TENT5C: variants seen among roughly 807,000 people sequenced by gnomAD.
The protein encoded by TENT5C is family with sequence similarity 46 member C.
Under a neutral mutation model 22.2 loss-of-function variants are expected in TENT5C, and 5 were observed. That is an observed-to-expected ratio of 0.22 (90% confidence interval 0.12 to 0.47). TENT5C has a LOEUF of 0.47. TENT5C is among the 20% of genes least tolerant of loss of function. The pLI is 0.99. For synonymous variants in TENT5C, 199 were observed against 195.4 expected, an observed-to-expected ratio of 1.02 and a Z score of -0.15; for missense variants, 364 against 500.9, an observed-to-expected ratio of 0.73 and a Z score of 2.61.
intron 1 of TENT5C, among the ~76,000 whole-genome samples, chr1:117,609,928 G>A (rs1653628990): frequency 6.6e-6 from 1 of 152,122 alleles, no homozygotes; most frequent in Admixed American, 6.5e-5. Context: ...CAGGGGTATA[G>A]GTTTGGAGCT....
At position 117,624,685 on chromosome 1, in the gene TENT5C, A is replaced by G. The variant is rs976100329; in HGVS notation, c.*641A>G. ...TGGTTGAAAGTGGTTTATGGTTTAC[A>G]TGCTGTACTATCCTGAGGAATTGCG... On this transcript the variant is annotated 3_prime_UTR_variant, in exon 2 of 2. Coordinates refer to ENST00000369448, the MANE Select transcript of TENT5C (RefSeq NM_017709.4). The G allele has an allele frequency of 4.0e-6, 1 of 248,054 alleles. No individual in the cohort carries two copies. Among genetic ancestry groups the G allele is most frequent in the African/African-American group, 2.2e-5 (1 of 45,358 alleles). 15.4% of individuals were successfully genotyped at this position (248,054 alleles called of 1,614,324 possible). A position where few individuals can be genotyped will look rare whatever the true frequency, so the allele number is the denominator to read the frequency against.
intron 1 of TENT5C, among the ~76,000 whole-genome samples, chr1:117,620,822 T>G (rs1037018825): frequency 6.6e-6 from 1 of 152,114 alleles, no homozygotes; most frequent in Non-Finnish European, 1.5e-5. Flanking sequence ...CAGGAACAGG[T>G]TCATGCTGCA....
intron 1 of TENT5C, among the ~76,000 whole-genome samples, chr1:117,615,482 G>A (rs1653761493): frequency 6.6e-6 from 1 of 152,252 alleles, no homozygotes; most frequent in Admixed American, 6.5e-5. Flanking sequence ...TCCAGGTAGA[G>A]CCCTGAAAGC....
rs199732093 is a variant in TENT5C at position 117,625,611 on chromosome 1, TC to T, written c.*1568del. The T allele has an allele frequency of 3.6e-3, 898 of 246,272 alleles. 31 individuals are homozygous for T. The East Asian group carries it at 0.051, about 14-fold the overall frequency. 15.3% of individuals were successfully genotyped at this position (246,272 alleles called of 1,614,324 possible). ...GATTTAATCAAATTCATGCTCCTGA[TC>T]TTTTTTTTCCCCCTTCCTTTGGCTA... is the stretch of plus-strand genomic sequence containing the variant. On this transcript the variant is annotated 3_prime_UTR_variant, in exon 2 of 2. Transcript: ENST00000369448.
chr1:117,623,552 C>T lies in TENT5C; in HGVS notation c.684C>T (p.Asn228=), dbSNP rs1404119780. 1.2e-6 allele frequency: 2 copies of T among 1,614,026 alleles called. No individual in the cohort carries two copies. The highest frequency in any genetic ancestry group is 3.3e-5 in the Admixed American group (2 of 60,000). The change falls in exon 2 of 2, where the codon AAC becomes AAT. Residue 228 remains asparagine, a synonymous_variant. Coordinates refer to ENST00000369448, the MANE Select transcript of TENT5C (RefSeq NM_017709.4). ...AGGAAGCTTTTGACCATCTGCAGAA[C>T]AGACTGATCGCCACCAAGAACCCAG... is the stretch of plus-strand genomic sequence containing the variant. ...DFEEAFDHLQ[N]RLIATKNPEE... is the part of the protein sequence containing the mutation.
intron 1 of TENT5C, among the ~76,000 whole-genome samples, chr1:117,612,530 A>G (rs199858224): frequency 0.27 from 40,721 of 151,890 alleles, 5,555 homozygotes; most frequent in Admixed American, 0.33. Flanking sequence ...GTCAAGTCAA[A>G]GTGTTTGAGC....
At chr1:117,617,103 C>T (rs1168666442) in intron 1 of TENT5C, among the ~76,000 whole-genome samples, 1 of 152,200 alleles carries the variant, frequency 6.6e-6, no homozygotes, top group Non-Finnish European at 1.5e-5. Context: ...CTGCCTCTCC[C>T]GCTCGCCCAC....
At position 117,622,899 on chromosome 1, in the gene TENT5C, T is replaced by C. The variant is rs772416638; in HGVS notation, c.31T>C (p.Cys11Arg). 1.7e-5 allele frequency: 28 copies of C among 1,613,048 alleles called. No homozygotes were observed. The highest frequency in any genetic ancestry group is 1.6e-4 in the South Asian group (15 of 91,060). MAEESSCTRD[C>R]MSFSVLNWDQ... ...AGAGGAGAGCAGCTGTACCAGGGAT[T>C]GCATGTCCTTCAGCGTGCTCAACTG... is the stretch of plus-strand genomic sequence containing the variant. The change falls in exon 2 of 2, where the codon TGC becomes CGC. Residue 11 changes from cysteine (C) to arginine (R), a missense_variant. This residue lies in a region of TENT5C where 303 missense variants were observed against 394.5 expected (regional missense o/e 0.77). Transcript: ENST00000369448.
intron 1 of TENT5C, among the ~76,000 whole-genome samples, chr1:117,622,593 A>AAAAAC (rs1259031133): frequency 6.7e-6 from 1 of 149,050 alleles, no homozygotes; most frequent in African/African-American, 2.6e-5. Flanking sequence ...CTTACCCAGA[A>AAAAAC]AAAACAAAAC....
chr1:117,608,238 T>C (rs1653587319), intron 1 of TENT5C, among the ~76,000 whole-genome samples: 1 of 152,240 alleles, frequency 6.6e-6, no homozygotes, highest in South Asian at 2.1e-4. Context: ...ATTAAATTCA[T>C]GTAATTCTGA....
chr1:117,622,112 C>T (rs1236838719), intron 1 of TENT5C, among the ~76,000 whole-genome samples: 2 of 152,088 alleles, frequency 1.3e-5, no homozygotes, highest in African/African-American at 2.4e-5. Flanking sequence ...TTTGTTGACT[C>T]GAAATTTTGT....
intron 1 of TENT5C, among the ~76,000 whole-genome samples, chr1:117,622,172 A>G (rs10923358): frequency 0.14 from 21,635 of 152,212 alleles, 1,838 homozygotes; most frequent in Admixed American, 0.24. Flanking sequence ...ACTTGTTAGG[A>G]TAGACTTCTC....
intron 1 of TENT5C, among the ~76,000 whole-genome samples, chr1:117,616,647 A>G (rs1472019931): frequency 1.3e-5 from 2 of 152,254 alleles, no homozygotes; most frequent in Non-Finnish European, 1.5e-5. Context: ...ACCTTGGGTT[A>G]GAAAGTTTTA....
rs751681887 is a variant in TENT5C at position 117,623,819 on chromosome 1, C to T, written c.951C>T (p.Ser317=). 1 of 1,614,168 alleles carries T rather than the reference C, an allele frequency of 6.2e-7. No homozygotes were observed. Among genetic ancestry groups the T allele is most frequent in the Non-Finnish European group, 8.5e-7 (1 of 1,180,036 alleles). ...TCCTTCGCAGGGTGGTGAACGAGAGCACCGTGTGTCTCATGGGGCATGAAC... is the reference window on the plus strand; with the variant it reads ...TCCTTCGCAGGGTGGTGAACGAGAGTACCGTGTGTCTCATGGGGCATGAAC... ...LMILRRVVNE[S]TVCLMGHERR... is the part of the protein sequence containing the mutation. The change falls in exon 2 of 2, where the codon AGC becomes AGT. Residue 317 remains serine, a synonymous_variant. Coordinates refer to ENST00000369448, the MANE Select transcript of TENT5C (RefSeq NM_017709.4).
intron 1 of TENT5C, among the ~76,000 whole-genome samples, chr1:117,616,045 C>T (rs980803280): frequency 6.6e-5 from 10 of 152,148 alleles, no homozygotes; most frequent in African/African-American, 1.7e-4. Context: ...CTTGTCACTC[C>T]GTGTCCACCT....
Position 117,622,838 on chromosome 1 carries a change from TCA to T in TENT5C, c.-27-3_-27-2del, listed in dbSNP as rs775821176. 3.8e-6 allele frequency: 6 copies of T among 1,591,692 alleles called. No individual in the cohort carries two copies. The East Asian group carries it at 6.7e-5, about 18-fold the overall frequency. ...TAACTCTGCTTCTCACCCCTCACTT[TCA>T]GTTTCCCCAGCCAGAACATCCCCTG... On this transcript the variant is annotated splice_acceptor_variant and splice_polypyrimidine_tract_variant and intron_variant, in intron 1 of 1. Coordinates refer to ENST00000369448, the MANE Select transcript of TENT5C (RefSeq NM_017709.4). LOFTEE classifies it low-confidence loss of function (5UTR_SPLICE).
chr1:117,623,719 A>G lies in TENT5C; in HGVS notation c.851A>G (p.Gln284Arg). Residue 284 changes from glutamine to arginine, a missense_variant, in exon 2 of 2, where the codon CAG (glutamine) becomes CGG (arginine). This residue lies in a region of TENT5C where 303 missense variants were observed against 394.5 expected (regional missense o/e 0.77). Coordinates refer to ENST00000369448, the MANE Select transcript of TENT5C (RefSeq NM_017709.4). The stretch of plus-strand genomic sequence containing the variant: ...ATCGACTTCCCGGACATCCTTGAAC[A>G]GCAGAGGAAGTTGGAGACTTACCTT... ...FFIDFPDILE[Q>R]QRKLETYLQN... 6.2e-7 allele frequency: 1 copy of G among 1,614,184 alleles called. No individual in the cohort carries two copies. The highest frequency in any genetic ancestry group is 1.1e-5 in the South Asian group (1 of 91,080).
In TENT5C at chr1:117,623,218, T is replaced by A; in HGVS notation, c.350T>A (p.Leu117Gln). The change falls in exon 2 of 2, where the codon CTG (leucine) becomes CAG (glutamine). Residue 117 changes from leucine (L) to glutamine (Q), a missense_variant. By Grantham distance (113) the Leu-to-Gln change is moderately radical. Coordinates refer to ENST00000369448, the MANE Select transcript of TENT5C (RefSeq NM_017709.4). The part of the protein sequence containing the change: ...LVRDVVLCSL[L>Q]NFLPEGVNKL... ...AGAGATGTGGTTCTGTGTTCCCTTC[T>A]GAACTTCCTGCCAGAGGGTGTGAAC... 1 of 1,614,192 alleles carries A rather than the reference T, an allele frequency of 6.2e-7. No homozygotes were observed. The highest frequency in any genetic ancestry group is 1.1e-5 in the South Asian group (1 of 91,084).
At chr1:117,608,438 C>G (rs1368834696) in intron 1 of TENT5C, among the ~76,000 whole-genome samples, 1 of 152,154 alleles carries the variant, frequency 6.6e-6, no homozygotes. Context: ...CCACATTCCC[C>G]CGTGTTCAAG....
Sources: gnomAD v4.1 joint callset for allele counts (sites outside exome capture counted in the v4.1 genomes callset) on GRCh38, gnomAD v4.1.1 for gene constraint, gnomAD v4.1.1 regional missense constraint, MANE v1.5 for transcripts, NCBI Gene and HGNC (gene_info 2026-07-23, HGNC 2026-07-21) for gene names.